Variants in UBE2V2 observed in about 807,000 individuals in gnomAD.
UBE2V2 encodes ubiquitin-conjugating enzyme E2 variant 2.
A neutral mutation model predicts 17.2 loss-of-function variants in UBE2V2; 9 were observed. That is an observed-to-expected ratio of 0.52 (90% confidence interval 0.32 to 0.91). UBE2V2 has a LOEUF of 0.91. Ranked by LOEUF, UBE2V2 falls within the 40% of genes least tolerant of loss-of-function variation. UBE2V2 has a pLI of 0.04. For missense variants in UBE2V2, 133 were observed against 182.6 expected (o/e 0.73, Z 1.56); for synonymous variants, 61 against 57.5 (o/e 1.06, Z -0.28).
intron 3 of UBE2V2, among the ~76,000 whole-genome samples, chr8:48,053,332 G>A (rs577263526): frequency 1.3e-5 from 2 of 151,934 alleles, no homozygotes; most frequent in South Asian, 4.2e-4. Context: ...CATAATAGAA[G>A]TTTTAGAGAA....
chr8:48,011,954 A>G (rs192682964), intron 1 of UBE2V2, among the ~76,000 whole-genome samples: 9 of 152,300 alleles, frequency 5.9e-5, no homozygotes, highest in Non-Finnish European at 1.0e-4. Flanking sequence ...GGCCAGACGG[A>G]GACTTCTAAG....
chr8:48,043,274 A>G (rs953771958), intron 2 of UBE2V2, 93 bp downstream of exon 2: 10 of 1,004,886 alleles, frequency 1.0e-5, no homozygotes, highest in Middle Eastern at 3.6e-4. Flanking sequence ...AGCAATTATG[A>G]TAACTTCTAA....
At chr8:48,000,588 G>A in the UBE2V2 span, among the ~76,000 whole-genome samples, 13 of 152,080 alleles carry the variant, frequency 8.5e-5, no homozygotes, top group African/African-American at 1.7e-4. Flanking sequence ...TTGGGAGGCC[G>A]AGGTGGGCAG....
In UBE2V2 at chr8:48,050,022, A is replaced by C. The variant is rs377190872; in HGVS notation, c.291+44A>C. 4 of 1,332,136 alleles carry C rather than the reference A, an allele frequency of 3.0e-6. No individual in the cohort carries two copies. The African/African-American group carries it at 6.0e-5, about 20-fold the overall frequency. The allele number at this position is 1,332,136 out of a possible 1,614,324, so 82.5% of individuals were successfully genotyped here. On this transcript the variant is annotated intron_variant, in intron 3 of 3. Coordinates refer to ENST00000523111, the MANE Select transcript of UBE2V2 (RefSeq NM_003350.3). ...TTTGGTTTTATATAACATAATGTAT[A>C]GAGTTATATATTATACGTACACACA...
upstream of UBE2V2, chr8:48,008,354 G>A (rs375069632): frequency 2.8e-6 from 4 of 1,413,672 alleles, no homozygotes; most frequent in Non-Finnish European, 3.7e-6. Context: ...GCCCGCCGGG[G>A]GCGGAGTCCG....
chr8:48,037,647 A>G (rs1417447876), intron 1 of UBE2V2, among the ~76,000 whole-genome samples: 5 of 152,204 alleles, frequency 3.3e-5, no homozygotes, highest in Admixed American at 6.5e-5. Context: ...TAAGCTCCAC[A>G]AGAGCAGGAC....
chr8:48,030,491 C>T (rs1477692447), intron 1 of UBE2V2, among the ~76,000 whole-genome samples: 3 of 152,156 alleles, frequency 2.0e-5, no homozygotes, highest in Non-Finnish European at 4.4e-5. Flanking sequence ...GAGGCCCAGG[C>T]AGGCAGATCA....
chr8:48,026,568 C>T (rs1490631024), intron 1 of UBE2V2, among the ~76,000 whole-genome samples: 1 of 152,198 alleles, frequency 6.6e-6, no homozygotes, highest in Non-Finnish European at 1.5e-5. Context: ...TACCCTTTAG[C>T]TCTCACTGTT....
At chr8:48,015,975 G>C (rs1458044934) in intron 1 of UBE2V2, among the ~76,000 whole-genome samples, 3 of 144,498 alleles carry the variant, frequency 2.1e-5, no homozygotes, top group Non-Finnish European at 3.0e-5. Flanking sequence ...TCAGCTCACT[G>C]CAACCTCCAC....
chr8:48,047,503 T>C, intron 2 of UBE2V2, among the ~76,000 whole-genome samples: 1 of 152,100 alleles, frequency 6.6e-6, no homozygotes, highest in Non-Finnish European at 1.5e-5. Flanking sequence ...TTTGTTTTTC[T>C]CCTCTTTTTT....
intron 1 of UBE2V2, among the ~76,000 whole-genome samples, chr8:48,018,177 T>G (rs774619162): frequency 2.0e-5 from 3 of 152,146 alleles, no homozygotes; most frequent in Non-Finnish European, 4.4e-5. Context: ...AACATAATAC[T>G]GGAAGTCCTA....
intron 1 of UBE2V2, among the ~76,000 whole-genome samples, chr8:48,026,894 G>A (rs2091349888): frequency 1.3e-5 from 2 of 152,092 alleles, no homozygotes; most frequent in African/African-American, 4.8e-5. Context: ...TTCCACCCCC[G>A]CCCCGCTTGA....
intron 1 of UBE2V2, among the ~76,000 whole-genome samples, chr8:48,017,231 A>G (rs2091275267): frequency 6.6e-6 from 1 of 151,932 alleles, no homozygotes; most frequent in Non-Finnish European, 1.5e-5. Context: ...ATGTCTTTTG[A>G]GAAATGTCTA....
upstream of UBE2V2, among the ~76,000 whole-genome samples, chr8:48,004,530 GTTTT>G (rs902937559): frequency 1.5e-5 from 2 of 134,270 alleles, no homozygotes; most frequent in African/African-American, 2.7e-5. Context: ...TTTTTGTTTT[GTTTT>G]TTTGTTTTTT....
intron 1 of UBE2V2, among the ~76,000 whole-genome samples, chr8:48,021,406 A>G (rs1286145760): frequency 4.8e-5 from 7 of 144,920 alleles, no homozygotes; most frequent in African/African-American, 1.0e-4. Flanking sequence ...TCCCAGGTTC[A>G]TGCCATTCTC....
At chr8:48,060,534 TG>T in intron 3 of UBE2V2, 147 bp from the exon 4 acceptor site, 1 of 559,186 alleles carries the variant, frequency 1.8e-6, no homozygotes, top group Non-Finnish European at 2.8e-6. Flanking sequence ...ATACTAATTA[TG>T]GTATTAGTAA....
intron 1 of UBE2V2, 33 bp downstream of exon 1, chr8:48,008,503 G>C (rs371918138): frequency 1.9e-6 from 3 of 1,561,988 alleles, no homozygotes; most frequent in African/African-American, 2.8e-5. Flanking sequence ...GTGATTTTCC[G>C]CTCCGACCCG....
At chr8:48,024,549 C>A (rs899220372) in intron 1 of UBE2V2, among the ~76,000 whole-genome samples, 2 of 151,570 alleles carry the variant, frequency 1.3e-5, no homozygotes, top group Non-Finnish European at 2.9e-5. Context: ...GAGCCGAGAT[C>A]GCGCCATTGC....
chr8:48,001,020 T>G, the UBE2V2 span, among the ~76,000 whole-genome samples: 1 of 152,058 alleles, frequency 6.6e-6, no homozygotes, highest in African/African-American at 2.4e-5. Context: ...TTCCTAGAGA[T>G]AGTAAACAGC....
Sources: gnomAD v4.1 joint callset for allele counts (sites outside exome capture counted in the v4.1 genomes callset) on GRCh38, gnomAD v4.1.1 for gene constraint, MANE v1.5 for transcripts, NCBI Gene and HGNC (gene_info 2026-07-23, HGNC 2026-07-21) for gene names.